The following CELSR1 variants were observed in gnomAD, a reference collection of about 807,000 sequenced individuals.
The protein encoded by CELSR1 is cadherin EGF LAG seven-pass G-type receptor 1.
In CELSR1, 110 loss-of-function variants were observed where a neutral mutation model predicts 249.1. The observed-to-expected ratio is 0.44, with a 90% confidence interval of 0.38 to 0.52. The LOEUF is 0.52. Among genes scored for constraint, CELSR1 ranks in the 20% least tolerant of loss-of-function variants. The pLI is 0.00. For synonymous variants in CELSR1, 2,113 were observed against 1,900.0 expected, an observed-to-expected ratio of 1.11 and a Z score of -2.92; for missense variants, 4,109 against 4,296.4, an observed-to-expected ratio of 0.96 and a Z score of 1.22.
At position 46,534,179 on chromosome 22, in the gene CELSR1, T is replaced by C. The variant is rs747316512; in HGVS notation, c.2992A>G (p.Met998Val). Residue 998 changes from methionine to valine, a missense_variant, in exon 1 of 35, where the codon ATG becomes GTG. Physicochemically the swap from Met to Val is conservative, Grantham distance 21 (BLOSUM62 1). This residue lies in a region of CELSR1 where 886 missense variants were observed against 896.5 expected (regional missense o/e 0.99). Coordinates refer to ENST00000674500, the MANE Select transcript of CELSR1 (RefSeq NM_001378328.1). The surrounding 1 kb of genome is among the most constrained non-coding windows in gnomAD (Gnocchi z 9.7). ...AGCTCCAGTTCGTCCTTCTCAAACATGGGGGCATTGTCATTAATGTCCAAG... is the reference window on the plus strand; with the variant it reads ...AGCTCCAGTTCGTCCTTCTCAAACACGGGGGCATTGTCATTAATGTCCAAG... ...TILDINDNAP[M>V]FEKDELELFV... The C allele has an allele frequency of 6.8e-6, 11 of 1,613,826 alleles. No individual in the cohort carries two copies. In the South Asian group the frequency reaches 1.2e-4, roughly 18 times the overall value.
chr22:46,433,327 G>C lies in CELSR1; in HGVS notation c.4611+66C>G. ...TGGGATTACAGGCGTGAGCCACTGC[G>C]CCTCGCCCCAGGGCACCTTCTCGAG... On this transcript the variant is annotated intron_variant, in intron 5 of 34. Coordinates refer to ENST00000674500, the MANE Select transcript of CELSR1 (RefSeq NM_001378328.1). The surrounding 1 kb of genome is among the most constrained non-coding windows in gnomAD (Gnocchi z 5.7). The C allele has an allele frequency of 7.9e-7, 1 of 1,259,104 alleles. No individual in the cohort carries two copies. The highest frequency in any genetic ancestry group is 1.5e-5 in the African/African-American group (1 of 67,346). 78.0% of individuals were successfully genotyped at this position (1,259,104 alleles called of 1,614,324 possible).
chr22:46,413,915 C>T lies in CELSR1; in HGVS notation c.4612-2156G>A, dbSNP rs2079366470. Among the ~76,000 whole-genome samples, 1 of 152,104 alleles carries T rather than the reference C, an allele frequency of 6.6e-6. No homozygotes were observed. Among genetic ancestry groups the T allele is most frequent in the African/African-American group, 2.4e-5 (1 of 41,410 alleles). On this transcript the variant is annotated intron_variant, in intron 5 of 34. Coordinates refer to ENST00000674500, the MANE Select transcript of CELSR1 (RefSeq NM_001378328.1). This position sits in a 1 kb window ranked among gnomAD's most constrained non-coding sequence, Gnocchi z 4.7. ...TATAATTTACATTTTTGGGGCTGGG[C>T]GTGAGACTACTGGAGGAAGGGCGTA... is the stretch of plus-strand genomic sequence containing the variant.
intron 5 of CELSR1, among the ~76,000 whole-genome samples, chr22:46,432,861 C>T (rs1298962945): frequency 2.6e-5 from 4 of 152,204 alleles, no homozygotes; most frequent in South Asian, 2.1e-4. Context: ...GTGTACCCCC[C>T]GACCCAGAGC....
Position 46,393,044 on chromosome 22 carries a change from C to G in CELSR1, c.5964+1098G>C, listed in dbSNP as rs2079110310. On this transcript the variant is annotated intron_variant, in intron 14 of 34. Transcript: ENST00000674500. This position sits in a 1 kb window ranked among gnomAD's most constrained non-coding sequence, Gnocchi z 4.1. ...GTCCCATTTGCTGTTGGAACCACCG[C>G]AGGCACTGGGGGGGGACACTACTGA... 6.6e-6 allele frequency among the ~76,000 whole-genome samples: 1 copy of G among 152,194 alleles called. No individual in the cohort carries two copies. The highest frequency in any genetic ancestry group is 2.1e-4 in the South Asian group (1 of 4,836).
intron 25 of CELSR1, among the ~76,000 whole-genome samples, chr22:46,370,500 T>C (rs2078840321): frequency 6.6e-6 from 1 of 152,080 alleles, no homozygotes; most frequent in African/African-American, 2.4e-5. Context: ...AGAAATGCTC[T>C]GAAGCACAGT....
At chr22:46,455,420 G>C (rs941387271) in intron 2 of CELSR1, among the ~76,000 whole-genome samples, 1 of 152,090 alleles carries the variant, frequency 6.6e-6, no homozygotes, top group Non-Finnish European at 1.5e-5. Context: ...AGTACAGACG[G>C]TGTTTCACCA....
intron 1 of CELSR1, among the ~76,000 whole-genome samples, chr22:46,485,085 C>T (rs939298348): frequency 3.3e-5 from 5 of 152,080 alleles, no homozygotes; most frequent in African/African-American, 7.2e-5. Flanking sequence ...AGAAAGATGA[C>T]GCAGGCCTCC....
chr22:46,456,975 C>T (rs1447971266), intron 2 of CELSR1, among the ~76,000 whole-genome samples: 1 of 152,106 alleles, frequency 6.6e-6, no homozygotes, highest in Non-Finnish European at 1.5e-5. Flanking sequence ...GCCAGCAGCA[C>T]TGAAGCGCTC....
chr22:46,478,794 T>C (rs1282726306), intron 1 of CELSR1, among the ~76,000 whole-genome samples: 2 of 151,744 alleles, frequency 1.3e-5, no homozygotes, highest in Non-Finnish European at 2.9e-5. Context: ...CCTTGTGATC[T>C]GTCCGCCTCG....
intron 1 of CELSR1, among the ~76,000 whole-genome samples, chr22:46,477,819 G>A (rs567240391): frequency 6.6e-6 from 1 of 152,126 alleles, no homozygotes; most frequent in Non-Finnish European, 1.5e-5. Context: ...GCTGTTTTAA[G>A]ATAAGAAGAA....
rs898514350 is a variant in CELSR1, at chr22:46,445,319, C to T, written c.4184-5908G>A. Among the ~76,000 whole-genome samples the T allele has an allele frequency of 3.3e-5, 5 of 152,056 alleles. No individual in the cohort carries two copies. The highest frequency in any genetic ancestry group is 7.4e-5 in the Non-Finnish European group (5 of 68,024). On this transcript the variant is annotated intron_variant, in intron 2 of 34. Coordinates refer to ENST00000674500, the MANE Select transcript of CELSR1 (RefSeq NM_001378328.1). This position sits in a 1 kb window ranked among gnomAD's most constrained non-coding sequence, Gnocchi z 4.4. ...GACCAGCCTGGCCAATGTGACAAAA[C>T]CCCGTCTCTACTAAAAATATAAAAA... is the stretch of plus-strand genomic sequence containing the variant.
intron 2 of CELSR1, among the ~76,000 whole-genome samples, chr22:46,452,461 C>T (rs2079897493): frequency 6.6e-6 from 1 of 152,194 alleles, no homozygotes; most frequent in Non-Finnish European, 1.5e-5. Flanking sequence ...CTCTGGATAC[C>T]ACAACACCTG....
chr22:46,528,451 C>A (rs1392234042), intron 1 of CELSR1, among the ~76,000 whole-genome samples: 1 of 152,204 alleles, frequency 6.6e-6, no homozygotes, highest in Non-Finnish European at 1.5e-5. Flanking sequence ...GGGTCTGCAA[C>A]ACACACAGCA....
In CELSR1 at chr22:46,381,959, CCTG is replaced by C. The variant is rs1569119380; in HGVS notation, c.6972_6974del (p.Ser2324del). On this transcript the variant is annotated inframe_deletion, in exon 21 of 35. Coordinates refer to ENST00000674500, the MANE Select transcript of CELSR1 (RefSeq NM_001378328.1). This position sits in a 1 kb window ranked among gnomAD's most constrained non-coding sequence, Gnocchi z 6.0. ...CAGCGTCATCAGGGTGTCGCCTCCGCCTGCTGATCGGGGCCTCCCTCTCGGTGC... is the reference window on the plus strand; with the variant it reads ...CAGCGTCATCAGGGTGTCGCCTCCGCCTGATCGGGGCCTCCCTCTCGGTGC... The C allele has an allele frequency of 3.2e-6, 5 of 1,565,042 alleles. No individual in the cohort carries two copies. The highest frequency in any genetic ancestry group is 4.3e-6 in the Non-Finnish European group (5 of 1,157,024).
At position 46,429,137 on chromosome 22, in the gene CELSR1, G is replaced by A. The variant is rs933404630; in HGVS notation, c.4611+4256C>T. Among the ~76,000 whole-genome samples the A allele has an allele frequency of 8.5e-5, 13 of 152,088 alleles. No individual in the cohort carries two copies. Among genetic ancestry groups the A allele is most frequent in the Admixed American group, 4.6e-4 (7 of 15,276 alleles). On this transcript the variant is annotated intron_variant, in intron 5 of 34. Coordinates refer to ENST00000674500, the MANE Select transcript of CELSR1 (RefSeq NM_001378328.1). This position sits in a 1 kb window ranked among gnomAD's most constrained non-coding sequence, Gnocchi z 4.1. ...CCGAGGATCCCCATCCTTCCAGACG[G>A]CCCCTCCCTAGCACTGTCTCCGTGG...
intron 1 of CELSR1, among the ~76,000 whole-genome samples, chr22:46,487,467 G>A (rs2080323768): frequency 7.0e-6 from 1 of 141,898 alleles, no homozygotes; most frequent in Non-Finnish European, 1.5e-5. Context: ...CCACAGTCCT[G>A]CCCTCAAGGT....
At chr22:46,400,346 A>G (rs2079197998) in intron 9 of CELSR1, among the ~76,000 whole-genome samples, 1 of 151,362 alleles carries the variant, frequency 6.6e-6, no homozygotes, top group South Asian at 2.1e-4. Context: ...AAAAAAAGTT[A>G]GGCAAAGTTG....
In CELSR1 at chr22:46,471,901, T is replaced by C. The variant is rs541079374; in HGVS notation, c.3545-7556A>G. 6.4e-4 allele frequency among the ~76,000 whole-genome samples: 98 copies of C among 152,242 alleles called. 1 individual carries two copies. The highest frequency in any genetic ancestry group is 2.3e-3 in the African/African-American group (95 of 41,550). ...TTTCAGGGGCTGCGGTCTGTGGCCT[T>C]CAGGTGATGACGACTTTCTGCCTCA... On this transcript the variant is annotated intron_variant, in intron 1 of 34. Transcript: ENST00000674500. This position sits in a 1 kb window ranked among gnomAD's most constrained non-coding sequence, Gnocchi z 4.9.
chr22:46,436,737 C>CG lies in CELSR1; in HGVS notation c.4407-449dup, dbSNP rs368972390. Among the ~76,000 whole-genome samples, 789 of 152,080 alleles carry CG rather than the reference C, an allele frequency of 5.2e-3. 3 individuals are homozygous for CG. Among genetic ancestry groups the CG allele is most frequent in the African/African-American group, 0.018 (741 of 41,460 alleles). Reference sequence around the variant, plus strand: ...GGACCATTCTTATGGCCTCTCCCCCCGGCACTCAGCCACAATAGCATCTTT... The same window carrying CG: ...GGACCATTCTTATGGCCTCTCCCCCCGGGCACTCAGCCACAATAGCATCTTT... On this transcript the variant is annotated intron_variant, in intron 3 of 34. Transcript: ENST00000674500. This position sits in a 1 kb window ranked among gnomAD's most constrained non-coding sequence, Gnocchi z 5.9.
Sources: gnomAD v4.1 joint callset for allele counts (sites outside exome capture counted in the v4.1 genomes callset) on GRCh38, gnomAD v4.1.1 for gene constraint, gnomAD v4.1.1 regional missense constraint, Gnocchi (gnomAD v3.1) non-coding constraint, MANE v1.5 for transcripts, NCBI Gene and HGNC (gene_info 2026-07-23, HGNC 2026-07-21) for gene names.